GRID2: variants seen among roughly 807,000 people sequenced by gnomAD.
GRID2 encodes glutamate receptor ionotropic, delta-2.
A neutral mutation model predicts 114.8 loss-of-function variants in GRID2; 33 were observed. The ratio of observed to expected loss-of-function variants is 0.29; its 90% CI spans 0.22 to 0.38. The LOEUF is 0.38. Ranked by LOEUF, GRID2 falls within the 10% of genes least tolerant of loss-of-function variation. The probability of loss-of-function intolerance (pLI) is 1.00; values close to 1 mark genes in which losing one functional copy is unlikely to be tolerated. For missense variants in GRID2, 1,184 were observed against 1,257.7 expected, an observed-to-expected ratio of 0.94 and a Z score of 0.89; for synonymous variants, 505 against 449.9, an observed-to-expected ratio of 1.12 and a Z score of -1.55.
chr4:93,105,952 C>T (rs1424369457), intron 3 of GRID2, among the ~76,000 whole-genome samples: 1 of 152,116 alleles, frequency 6.6e-6, no homozygotes, highest in Non-Finnish European at 1.5e-5. Flanking sequence ...CAGGGATTAA[C>T]ATGTGAGCAT....
intron 2 of GRID2, among the ~76,000 whole-genome samples, chr4:93,073,287 TCAGA>T (rs1249614143): frequency 6.6e-6 from 1 of 152,198 alleles, no homozygotes; most frequent in Non-Finnish European, 1.5e-5. Flanking sequence ...GACTGGCATT[TCAGA>T]CAGACAATTT....
chr4:92,693,461 T>A (rs1734278143), intron 2 of GRID2, among the ~76,000 whole-genome samples: 1 of 152,246 alleles, frequency 6.6e-6, no homozygotes, highest in African/African-American at 2.4e-5. Flanking sequence ...GTTTACATAC[T>A]AAAAATAATG....
chr4:93,706,037 ATG>A (rs2110153151), intron 14 of GRID2, among the ~76,000 whole-genome samples: 1 of 152,144 alleles, frequency 6.6e-6, no homozygotes, highest in South Asian at 2.1e-4. Flanking sequence ...CCATTAGTCT[ATG>A]TGTCTGTTTT....
In GRID2 at chr4:93,089,618, A is replaced by G. The variant is rs78110472; in HGVS notation, c.529+4339A>G. Among the ~76,000 whole-genome samples the G allele has an allele frequency of 8.4e-4, 128 of 152,262 alleles. 2 individuals carry two copies. In the East Asian group the frequency reaches 0.02, roughly 24 times the overall value. On this transcript the variant is annotated intron_variant, in intron 3 of 15. Coordinates refer to ENST00000282020, the MANE Select transcript of GRID2 (RefSeq NM_001510.4). Reference sequence around the variant, plus strand: ...AATAACTGTTCTTTTTTCTTTGCAAATAGAATACCAAATTTGAGAGTGCAA... The same window carrying G: ...AATAACTGTTCTTTTTTCTTTGCAAGTAGAATACCAAATTTGAGAGTGCAA...
In GRID2 at chr4:92,979,442, T is replaced by C. The variant is rs578082148; in HGVS notation, c.245-105553T>C. Among the ~76,000 whole-genome samples the C allele has an allele frequency of 3.6e-4, 55 of 152,230 alleles. 1 individual carries two copies. The South Asian group carries it at 4.6e-3, about 13-fold the overall frequency. On this transcript the variant is annotated intron_variant, in intron 2 of 15. Transcript: ENST00000282020. Reference sequence around the variant, plus strand: ...ATTTAGGTACGACTCAGTGTATTGGTAGGCATGTAAAATCTCAGGTCGTTT... The same window carrying C: ...ATTTAGGTACGACTCAGTGTATTGGCAGGCATGTAAAATCTCAGGTCGTTT...
intron 1 of GRID2, among the ~76,000 whole-genome samples, chr4:92,326,361 A>C (rs181663645): frequency 6.6e-6 from 1 of 152,024 alleles, no homozygotes; most frequent in Admixed American, 6.6e-5. Flanking sequence ...TAGAATTATT[A>C]TTACTAAAAT....
intron 1 of GRID2, among the ~76,000 whole-genome samples, chr4:93,787,581 A>C (rs1447471176): frequency 6.6e-6 from 1 of 152,096 alleles, no homozygotes; most frequent in Non-Finnish European, 1.5e-5. Flanking sequence ...ATAGCACAGG[A>C]CACCTTCTAC....
intron 1 of GRID2, among the ~76,000 whole-genome samples, chr4:92,544,656 A>T (rs1471613445): frequency 6.6e-6 from 1 of 152,148 alleles, no homozygotes; most frequent in Non-Finnish European, 1.5e-5. Context: ...AGAGAGTGTG[A>T]CCTGATGAGG....
intron 1 of GRID2, among the ~76,000 whole-genome samples, chr4:92,314,265 C>T (rs1435562118): frequency 6.6e-6 from 1 of 152,022 alleles, no homozygotes; most frequent in Non-Finnish European, 1.5e-5. Flanking sequence ...TTACATTTTA[C>T]ATAGTATTGC....
chr4:93,392,716 A>G (rs914729332), intron 8 of GRID2, among the ~76,000 whole-genome samples: 2 of 152,040 alleles, frequency 1.3e-5, no homozygotes, highest in Non-Finnish European at 1.5e-5. Context: ...CTGAGTCTCA[A>G]TGTCGTTGAC....
intron 2 of GRID2, among the ~76,000 whole-genome samples, chr4:92,847,030 C>A (rs967994139): frequency 6.6e-6 from 1 of 151,996 alleles, no homozygotes; most frequent in Non-Finnish European, 1.5e-5. Context: ...TGTAAAGATA[C>A]CACTTTTCCA....
At chr4:92,758,427 A>G (rs955760358) in intron 2 of GRID2, among the ~76,000 whole-genome samples, 4 of 152,098 alleles carry the variant, frequency 2.6e-5, no homozygotes, top group Non-Finnish European at 5.9e-5. Context: ...AGTCTTGTTT[A>G]ATATATTTTT....
chr4:92,915,567 C>T (rs1748718434), intron 2 of GRID2, among the ~76,000 whole-genome samples: 2 of 152,210 alleles, frequency 1.3e-5, no homozygotes, highest in South Asian at 2.1e-4. Flanking sequence ...CTAACCATAT[C>T]AGGGTAGTAC....
In GRID2 at chr4:92,380,060, G is replaced by A. The variant is rs552891504; in HGVS notation, c.88+75316G>A. On this transcript the variant is annotated intron_variant, in intron 1 of 15. Coordinates refer to ENST00000282020, the MANE Select transcript of GRID2 (RefSeq NM_001510.4). ...CTATTTTAGTTTAAAGTATACATTC[G>A]AAAGTGCTGATCTTTAATGTGGTAT... Among the ~76,000 whole-genome samples the A allele has an allele frequency of 1.3e-3, 197 of 151,974 alleles. 2 individuals carry two copies. Among genetic ancestry groups the A allele is most frequent in the Non-Finnish European group, 2.3e-3 (156 of 67,860 alleles).
chr4:93,189,370 C>A (rs969664231), intron 4 of GRID2, among the ~76,000 whole-genome samples: 1 of 152,026 alleles, frequency 6.6e-6, no homozygotes, highest in African/African-American at 2.4e-5. Context: ...GGTAGAAGGG[C>A]AAAATTTGAT....
At position 93,700,368 on chromosome 4, in the gene GRID2, T is replaced by C. The variant is rs192962997; in HGVS notation, c.2361-68842T>C. On this transcript the variant is annotated intron_variant, in intron 14 of 15. Coordinates refer to ENST00000282020, the MANE Select transcript of GRID2 (RefSeq NM_001510.4). ...TTAATAATCTCTTGGGCAGCTTCAG[T>C]CTCACTGTGAAGGATTCACTCTTGA... is the stretch of plus-strand genomic sequence containing the variant. Among the ~76,000 whole-genome samples, 67 of 152,282 alleles carry C rather than the reference T, an allele frequency of 4.4e-4. No individual in the cohort carries two copies. In the East Asian group the frequency reaches 0.012, roughly 28 times the overall value.
intron 2 of GRID2, among the ~76,000 whole-genome samples, chr4:92,764,749 G>A (rs1024828868): frequency 1.3e-5 from 2 of 152,034 alleles, no homozygotes; most frequent in African/African-American, 4.8e-5. Flanking sequence ...TGCATTTTCA[G>A]TGCTAACACA....
intron 7 of GRID2, among the ~76,000 whole-genome samples, chr4:93,225,983 C>T (rs1745441554): frequency 6.6e-6 from 1 of 152,172 alleles, no homozygotes; most frequent in African/African-American, 2.4e-5. Context: ...AACTAATCCA[C>T]TCCCATTATA....
intron 4 of GRID2, among the ~76,000 whole-genome samples, chr4:93,176,698 AAT>A (rs1467987672): frequency 1.4e-5 from 2 of 144,650 alleles, no homozygotes; most frequent in Non-Finnish European, 3.1e-5. Flanking sequence ...GAAGGAATAT[AAT>A]ATATGTTTTA....
Sources: allele counts gnomAD v4.1 joint callset (sites outside exome capture counted in the v4.1 genomes callset), GRCh38; gene constraint gnomAD v4.1.1; transcripts MANE v1.5; gene names NCBI Gene and HGNC (gene_info 2026-07-23, HGNC 2026-07-21).